CEMIP: variants seen among roughly 807,000 people sequenced by gnomAD.
The protein encoded by CEMIP is cell migration-inducing and hyaluronan-binding protein.
In CEMIP, 105 loss-of-function variants were observed where a neutral mutation model predicts 156.9. That is an observed-to-expected ratio of 0.67 (90% confidence interval 0.57 to 0.79). CEMIP has a LOEUF of 0.79. Ranked by LOEUF, CEMIP falls within the 30% of genes least tolerant of loss-of-function variation. The pLI is 0.00. For synonymous variants in CEMIP, 676 were observed against 668.4 expected (o/e 1.01, Z -0.17); for missense variants, 1,457 against 1,769.4 (o/e 0.82, Z 3.17).
chr15:80,873,216 C>T (rs1009304486), intron 1 of CEMIP, among the ~76,000 whole-genome samples: 5 of 152,114 alleles, frequency 3.3e-5, no homozygotes, highest in African/African-American at 9.7e-5. Context: ...ATTCTGTTAC[C>T]GAGGAAGGAG....
intron 1 of CEMIP, among the ~76,000 whole-genome samples, chr15:80,837,598 C>T (rs1458574505): frequency 6.6e-6 from 1 of 152,164 alleles, no homozygotes; most frequent in Non-Finnish European, 1.5e-5. Context: ...AAGAAGTTGC[C>T]ACTGGTTGGC....
chr15:80,947,120 C>T (rs1901590974), intron 29 of CEMIP, 55 bp downstream of exon 29: 3 of 1,147,326 alleles, frequency 2.6e-6, no homozygotes, highest in Non-Finnish European at 3.9e-6. Flanking sequence ...AGGCAAATGC[C>T]TGGCATGGAG....
Position 80,948,754 on chromosome 15 carries a change from T to A in CEMIP, c.3959-43T>A, listed in dbSNP as rs1362459316. 1.9e-6 allele frequency: 3 copies of A among 1,613,490 alleles called. No homozygotes were observed. The East Asian group carries it at 6.7e-5, about 36-fold the overall frequency. ...ATGGAACGGGGTGGGGCAGCCGTCC[T>A]CTCATAGGGCTTTTGCTCAGGAGAC... is the stretch of plus-strand genomic sequence containing the variant. On this transcript the variant is annotated intron_variant, in intron 29 of 29. Coordinates refer to ENST00000394685, the MANE Select transcript of CEMIP (RefSeq NM_001293298.2).
intron 6 of CEMIP, among the ~76,000 whole-genome samples, chr15:80,881,764 T>C (rs1037045685): frequency 6.6e-6 from 1 of 152,198 alleles, no homozygotes; most frequent in Admixed American, 6.5e-5. Context: ...GATTTAAAAG[T>C]ACCTTCTGGC....
At chr15:80,941,360 A>T (rs1379438360) in intron 25 of CEMIP, among the ~76,000 whole-genome samples, 1 of 152,176 alleles carries the variant, frequency 6.6e-6, no homozygotes, top group Admixed American at 6.5e-5. Flanking sequence ...TAAATAAATT[A>T]TAAATAATTT....
At chr15:80,841,798 A>G (rs759303892) in intron 1 of CEMIP, among the ~76,000 whole-genome samples, 16 of 152,210 alleles carry the variant, frequency 1.1e-4, no homozygotes, top group Non-Finnish European at 1.6e-4. Context: ...AACATTGCAT[A>G]TGGGGAAAGC....
At chr15:80,840,391 C>A (rs1368243136) in intron 1 of CEMIP, among the ~76,000 whole-genome samples, 1 of 152,078 alleles carries the variant, frequency 6.6e-6, no homozygotes, top group Non-Finnish European at 1.5e-5. Flanking sequence ...TCAGGACCCT[C>A]CTTCCTGGCA....
intron 1 of CEMIP, among the ~76,000 whole-genome samples, chr15:80,840,123 T>G (rs28706035): frequency 0.033 from 4,969 of 152,210 alleles, 304 homozygotes; most frequent in African/African-American, 0.11. Context: ...GGGGGGTGTC[T>G]AAGTCCCAAG....
intron 19 of CEMIP, 95 bp from the exon 20 acceptor site, chr15:80,928,807 T>C (rs2141943892): frequency 2.0e-6 from 3 of 1,493,954 alleles, no homozygotes; most frequent in Non-Finnish European, 1.9e-6. Flanking sequence ...GGTATTCAGT[T>C]TGACTCCAAG....
At chr15:80,882,934 T>G (rs942816302) in intron 6 of CEMIP, among the ~76,000 whole-genome samples, 2 of 151,822 alleles carry the variant, frequency 1.3e-5, no homozygotes, top group Non-Finnish European at 2.9e-5. Flanking sequence ...GCGGGTGAGG[T>G]GGTCACTGGG....
intron 1 of CEMIP, among the ~76,000 whole-genome samples, chr15:80,807,388 G>A (rs995998785): frequency 4.6e-5 from 7 of 152,062 alleles, no homozygotes; most frequent in Non-Finnish European, 7.4e-5. Flanking sequence ...ATGCCACTAT[G>A]CCTGCTAATT....
At chr15:80,816,641 T>A (rs958818888) in intron 1 of CEMIP, among the ~76,000 whole-genome samples, 1 of 152,200 alleles carries the variant, frequency 6.6e-6, no homozygotes, top group African/African-American at 2.4e-5. Context: ...AATGATCTCC[T>A]CCAACACTCT....
intron 12 of CEMIP, among the ~76,000 whole-genome samples, chr15:80,900,634 GTGTGTGTGTGTGTGTC>G (rs1567090890): frequency 2.1e-3 from 276 of 134,564 alleles, no homozygotes; most frequent in Non-Finnish European, 3.0e-3. Context: ...GTGTGTGTGT[GTGTGTGTGTGTGTGTC>G]TGTGTGTGTG....
At chr15:80,852,536 G>A (rs1015544928) in intron 1 of CEMIP, among the ~76,000 whole-genome samples, 4 of 152,030 alleles carry the variant, frequency 2.6e-5, no homozygotes, top group Non-Finnish European at 4.4e-5. Context: ...TTATGGCATC[G>A]GAAACATTCT....
intron 12 of CEMIP, chr15:80,901,025 A>T (rs1017930623): frequency 1.3e-5 from 6 of 452,820 alleles, no homozygotes; most frequent in Non-Finnish European, 2.2e-5. Context: ...TCTAAAAAAA[A>T]ATTTCAAAAT....
At chr15:80,856,476 T>G (rs1047351653) in intron 1 of CEMIP, among the ~76,000 whole-genome samples, 4 of 152,202 alleles carry the variant, frequency 2.6e-5, no homozygotes, top group Admixed American at 6.5e-5. Flanking sequence ...GTATTAGTGT[T>G]CACTGTGAGA....
intron 3 of CEMIP, among the ~76,000 whole-genome samples, chr15:80,874,919 T>C (rs1898419535): frequency 6.6e-6 from 1 of 152,192 alleles, no homozygotes; most frequent in Non-Finnish European, 1.5e-5. Context: ...ATTTTGTTTT[T>C]CTCAACCCAT....
intron 21 of CEMIP, among the ~76,000 whole-genome samples, chr15:80,930,460 A>T (rs964202533): frequency 3.3e-5 from 5 of 152,244 alleles, no homozygotes; most frequent in African/African-American, 1.2e-4. Context: ...TAGGAACCTA[A>T]GAGCCTGCAG....
intron 1 of CEMIP, among the ~76,000 whole-genome samples, chr15:80,864,060 C>T (rs560014408): frequency 6.9e-4 from 105 of 152,180 alleles, no homozygotes; most frequent in African/African-American, 2.1e-3. Context: ...CAGGCTGCCG[C>T]GCAGAAATGA....
Sources: gnomAD v4.1 joint callset for allele counts (sites outside exome capture counted in the v4.1 genomes callset) on GRCh38, gnomAD v4.1.1 for gene constraint, MANE v1.5 for transcripts, NCBI Gene and HGNC (gene_info 2026-07-23, HGNC 2026-07-21) for gene names.